SLC4A4: variants seen among roughly 807,000 people sequenced by gnomAD.
SLC4A4 encodes solute carrier family 4 member 4, also known as electrogenic sodium bicarbonate cotransporter 1.
Under a neutral mutation model 111.5 loss-of-function variants are expected in SLC4A4, and 27 were observed. The ratio of observed to expected loss-of-function variants is 0.24; its 90% CI spans 0.18 to 0.33. The LOEUF (loss-of-function observed/expected upper bound fraction) is 0.33. Ranked by LOEUF, SLC4A4 falls within the 10% of genes least tolerant of loss-of-function variation. The probability of loss-of-function intolerance (pLI) is 1.00; values close to 1 mark genes in which losing one functional copy is unlikely to be tolerated. For missense variants in SLC4A4, 909 were observed against 1,315.5 expected (o/e 0.69, Z 4.78); for synonymous variants, 443 against 463.4 (o/e 0.96, Z 0.57).
intron 16 of SLC4A4, among the ~76,000 whole-genome samples, chr4:71,530,981 T>G (rs1733862356): frequency 6.6e-6 from 1 of 152,132 alleles, no homozygotes; most frequent in African/African-American, 2.4e-5. Context: ...GTATATAACT[T>G]GGCTATGAGC....
chr4:71,471,854 A>T (rs1727902235), intron 13 of SLC4A4, among the ~76,000 whole-genome samples: 1 of 151,932 alleles, frequency 6.6e-6, no homozygotes, highest in Non-Finnish European at 1.5e-5. Context: ...TGTGGGACAA[A>T]CACAGAAAGA....
chr4:71,222,647 A>G (rs1250299680), intron 1 of SLC4A4, among the ~76,000 whole-genome samples: 1 of 152,228 alleles, frequency 6.6e-6, no homozygotes, highest in Admixed American at 6.5e-5. Context: ...ATTTCTTGGG[A>G]AAAATGAAGG....
intron 1 of SLC4A4, among the ~76,000 whole-genome samples, chr4:71,191,712 T>G (rs1745740254): frequency 6.6e-6 from 1 of 152,236 alleles, no homozygotes; most frequent in Non-Finnish European, 1.5e-5. Flanking sequence ...AGTTTGGGTG[T>G]ACCAGTTTTA....
At chr4:71,468,735 GAA>G (rs5859263) in intron 13 of SLC4A4, among the ~76,000 whole-genome samples, 5 of 148,706 alleles carry the variant, frequency 3.4e-5, no homozygotes, top group African/African-American at 7.3e-5. Context: ...CATGCTCCAT[GAA>G]AAAAAAAAAC....
intron 15 of SLC4A4, among the ~76,000 whole-genome samples, chr4:71,490,192 A>G (rs549602579): frequency 6.6e-6 from 1 of 151,966 alleles, no homozygotes; most frequent in Admixed American, 6.6e-5. Flanking sequence ...CACTGTATCT[A>G]GATAATGAGC....
intron 16 of SLC4A4, among the ~76,000 whole-genome samples, chr4:71,511,848 A>G (rs1731952333): frequency 1.3e-5 from 2 of 152,282 alleles, no homozygotes; most frequent in East Asian, 1.9e-4. Flanking sequence ...GCTTCCACAT[A>G]TGAGTGATAA....
chr4:71,406,281 G>A (rs1367373092), intron 7 of SLC4A4, among the ~76,000 whole-genome samples: 1 of 151,308 alleles, frequency 6.6e-6, no homozygotes, highest in East Asian at 1.9e-4. Context: ...CTTTGAAGGA[G>A]TGTTGTCAAC....
chr4:71,183,044 A>G (rs1346614172), upstream of SLC4A4, among the ~76,000 whole-genome samples: 1 of 152,194 alleles, frequency 6.6e-6, no homozygotes, highest in Non-Finnish European at 1.5e-5. Context: ...AAAGATTTGC[A>G]TATTTCTCTA....
intron 6 of SLC4A4, among the ~76,000 whole-genome samples, chr4:71,373,995 C>A (rs528536307): frequency 3.1e-4 from 47 of 152,244 alleles, no homozygotes; most frequent in Middle Eastern, 3.4e-3. Context: ...TCCCATCATA[C>A]GTGTTGTGAC....
intron 2 of SLC4A4, among the ~76,000 whole-genome samples, chr4:71,095,168 T>C (rs1217891464): frequency 2.6e-5 from 4 of 152,214 alleles, no homozygotes; most frequent in Non-Finnish European, 5.9e-5. Context: ...TCCCTACTTC[T>C]ACGTGAAGCC....
At position 71,519,776 on chromosome 4, in the gene SLC4A4, A is replaced by T. The variant is rs80343023; in HGVS notation, c.2167-12286A>T. 9.0e-3 allele frequency among the ~76,000 whole-genome samples: 1,373 copies of T among 152,252 alleles called. 21 individuals carry two copies. The highest frequency in any genetic ancestry group is 0.03 in the African/African-American group (1,257 of 41,562). On this transcript the variant is annotated intron_variant, in intron 16 of 25. Transcript: ENST00000264485. ...CAGTCTCCTGAGTAGCTGGGTTTACAGGTGTACACCACCATGCCCAGCATA... is the reference window on the plus strand; with the variant it reads ...CAGTCTCCTGAGTAGCTGGGTTTACTGGTGTACACCACCATGCCCAGCATA...
intron 3 of SLC4A4, among the ~76,000 whole-genome samples, chr4:71,282,749 A>G (rs1202075571): frequency 7.0e-6 from 1 of 143,858 alleles, no homozygotes; most frequent in East Asian, 2.0e-4. Flanking sequence ...CATCTGGCTG[A>G]TTTTTTTTTT....
intron 13 of SLC4A4, among the ~76,000 whole-genome samples, chr4:71,472,302 T>TA (rs1166625801): frequency 1.3e-5 from 2 of 151,950 alleles, no homozygotes; most frequent in Non-Finnish European, 2.9e-5. Context: ...ACAGAAAATA[T>TA]ATTGATCTTC....
In SLC4A4 at chr4:71,416,884, C is replaced by T. The variant is rs538212587; in HGVS notation, c.807+19231C>T. Among the ~76,000 whole-genome samples the T allele has an allele frequency of 9.2e-5, 14 of 152,206 alleles. No individual in the cohort carries two copies. In the South Asian group the frequency reaches 1.9e-3, roughly 20 times the overall value. ...TTTTCAAAATCTCACTGAGAAATCC[C>T]GGACAAGGGTAGGACTTTTAGCCAC... On this transcript the variant is annotated intron_variant, in intron 7 of 25. Coordinates refer to ENST00000264485, the MANE Select transcript of SLC4A4 (RefSeq NM_001098484.3).
At chr4:71,458,882 T>C (rs973255946) in intron 12 of SLC4A4, among the ~76,000 whole-genome samples, 1 of 152,006 alleles carries the variant, frequency 6.6e-6, no homozygotes, top group Non-Finnish European at 1.5e-5. Context: ...ATTTCCTCCT[T>C]GAAGTGAAAA....
chr4:71,101,048 A>G (rs777057217), intron 2 of SLC4A4, among the ~76,000 whole-genome samples: 42 of 152,120 alleles, frequency 2.8e-4, no homozygotes, highest in Non-Finnish European at 5.1e-4. Context: ...TCACGAGGTC[A>G]GGAGATTGAG....
At chr4:71,255,775 G>A (rs1349845959) in intron 3 of SLC4A4, among the ~76,000 whole-genome samples, 2 of 152,152 alleles carry the variant, frequency 1.3e-5, no homozygotes, top group Non-Finnish European at 2.9e-5. Context: ...TGAGACAGCA[G>A]GTGAAGATGA....
In SLC4A4 at chr4:71,430,848, C is replaced by G. The variant is rs537620410; in HGVS notation, c.808-9768C>G. ...CTACACTTCTAAATATTGATTTTTC[C>G]AAAAGGTTTCATCCCTGTGATTGGC... On this transcript the variant is annotated intron_variant, in intron 7 of 25. Coordinates refer to ENST00000264485, the MANE Select transcript of SLC4A4 (RefSeq NM_001098484.3). Among the ~76,000 whole-genome samples the G allele has an allele frequency of 2.0e-5, 3 of 152,186 alleles. No homozygotes were observed. In the South Asian group the frequency reaches 6.2e-4, roughly 32 times the overall value.
chr4:71,166,158 A>T (rs2148979845), intron 2 of SLC4A4, among the ~76,000 whole-genome samples: 1 of 152,326 alleles, frequency 6.6e-6, no homozygotes, highest in East Asian at 1.9e-4. Flanking sequence ...TGGCTAAAAA[A>T]ACTGCTATCT....
Sources: allele counts gnomAD v4.1 joint callset (sites outside exome capture counted in the v4.1 genomes callset), GRCh38; gene constraint gnomAD v4.1.1; transcripts MANE v1.5; gene names NCBI Gene and HGNC (gene_info 2026-07-23, HGNC 2026-07-21).